Variants in LPXN observed in about 807,000 individuals in gnomAD.
LPXN encodes the protein leupaxin.
LPXN carries 28 observed loss-of-function variants against 45.6 expected under a neutral mutation model. The observed-to-expected ratio is 0.61, with a 90% CI of 0.45 to 0.84. The LOEUF is 0.84. Ranked by LOEUF, LPXN falls within the 40% of genes least tolerant of loss-of-function variation. The probability of loss-of-function intolerance (pLI) is 0.00; values close to 1 mark genes in which losing one functional copy is unlikely to be tolerated. For synonymous variants in LPXN, 166 were observed against 169.9 expected (o/e 0.98, Z 0.18); for missense variants, 459 against 475.0 (o/e 0.97, Z 0.31).
intron 7 of LPXN, among the ~76,000 whole-genome samples, chr11:58,532,329 C>T (rs371244395): frequency 2.4e-4 from 37 of 152,338 alleles, no homozygotes; most frequent in African/African-American, 8.2e-4. Context: ...GGAGTGTGGG[C>T]GCACGGCACG....
chr11:58,549,401 G>A (rs537177235), intron 7 of LPXN, among the ~76,000 whole-genome samples: 64 of 152,100 alleles, frequency 4.2e-4, no homozygotes, highest in Non-Finnish European at 7.1e-4. Context: ...GTGAGACTCC[G>A]TCTCAAAAAA....
intron 4 of LPXN, among the ~76,000 whole-genome samples, chr11:58,553,638 C>T (rs545012197): frequency 6.6e-6 from 1 of 152,234 alleles, no homozygotes; most frequent in South Asian, 2.1e-4. Flanking sequence ...AAGGTGAGCT[C>T]TAAAGATAAG....
rs980694587 is a variant in LPXN at position 58,527,785 on chromosome 11, G to A, written c.892-62C>T. 7.2e-6 allele frequency: 11 copies of A among 1,518,068 alleles called. No homozygotes were observed. The African/African-American group carries it at 8.3e-5, about 11-fold the overall frequency. The allele number at this position is 1,518,068 out of a possible 1,614,324, so 94.0% of individuals were successfully genotyped here. The stretch of plus-strand genomic sequence containing the variant: ...TGTCAAGAGGTAAAATGTCAGCAAA[G>A]TAAAATTTTCAGCCTTGAAATTCCT... On this transcript the variant is annotated intron_variant, in intron 8 of 8. Coordinates refer to ENST00000395074, the MANE Select transcript of LPXN (RefSeq NM_004811.3).
intron 4 of LPXN, among the ~76,000 whole-genome samples, chr11:58,552,002 G>A (rs758183149): frequency 1.1e-4 from 17 of 152,224 alleles, no homozygotes; most frequent in Non-Finnish European, 1.6e-4. Context: ...AGGAGAAGGT[G>A]ATGGAGAGAG....
chr11:58,542,374 T>A (rs1249214358), intron 7 of LPXN, among the ~76,000 whole-genome samples: 1 of 151,964 alleles, frequency 6.6e-6, no homozygotes, highest in Non-Finnish European at 1.5e-5. Context: ...GAATGATCCA[T>A]ATATTCATAT....
intron 7 of LPXN, among the ~76,000 whole-genome samples, chr11:58,538,179 AC>A (rs1853611860): frequency 6.6e-6 from 1 of 152,060 alleles, no homozygotes; most frequent in African/African-American, 2.4e-5. Flanking sequence ...TCACTGATGG[AC>A]ATTTGGGTTG....
At position 58,528,123 on chromosome 11, in the gene LPXN, C is replaced by T; in HGVS notation, c.811G>A (p.Gly271Ser). ...TCCAACACTGGGCGATTGCAGCCAC[C>T]ACACTTGGGTGAGAACATGGCTAAG... ...DFLAMFSPKC[G>S]GCNRPVLENY... is the part of the protein sequence containing the mutation. Residue 271 changes from glycine to serine, a missense_variant, in exon 8 of 9, where the codon GGT becomes AGT. By Grantham distance (56) the Gly-to-Ser change is moderately conservative (BLOSUM62 0). Coordinates refer to ENST00000395074, the MANE Select transcript of LPXN (RefSeq NM_004811.3). The T allele has an allele frequency of 1.9e-6, 3 of 1,614,204 alleles. No individual in the cohort carries two copies. The highest frequency in any genetic ancestry group is 2.2e-5 in the South Asian group (2 of 91,086).
At chr11:58,532,682 G>T (rs756314943) in intron 7 of LPXN, among the ~76,000 whole-genome samples, 2 of 152,210 alleles carry the variant, frequency 1.3e-5, no homozygotes, top group Non-Finnish European at 2.9e-5. Flanking sequence ...ACCCTGTCAA[G>T]ACAGACCAAA....
chr11:58,531,462 T>C lies in LPXN; in HGVS notation c.743-3271A>G, dbSNP rs577722693. On this transcript the variant is annotated intron_variant, in intron 7 of 8. Coordinates refer to ENST00000395074, the MANE Select transcript of LPXN (RefSeq NM_004811.3). Reference sequence around the variant, plus strand: ...CAAGCAGAAGAAAGGATATAAGAGATTGAAGGTCAACTTAATGAAATAAAG... The same window carrying C: ...CAAGCAGAAGAAAGGATATAAGAGACTGAAGGTCAACTTAATGAAATAAAG... Among the ~76,000 whole-genome samples the C allele has an allele frequency of 1.5e-4, 22 of 151,586 alleles. 1 individual carries two copies. The highest frequency in any genetic ancestry group is 1.2e-3 in the Admixed American group (18 of 15,204).
At position 58,534,729 on chromosome 11, in the gene LPXN, C is replaced by T. The variant is rs117623510; in HGVS notation, c.743-6538G>A. 2.1e-3 allele frequency among the ~76,000 whole-genome samples: 324 copies of T among 152,036 alleles called. 7 individuals are homozygous for T. In the East Asian group the frequency reaches 0.051, roughly 24 times the overall value. The stretch of plus-strand genomic sequence containing the variant: ...AACCCTTCAAACAATCAATGAATCC[C>T]GGAGGTGGTTTTTTGAAATGATCAA... On this transcript the variant is annotated intron_variant, in intron 7 of 8. Transcript: ENST00000395074.
intron 7 of LPXN, among the ~76,000 whole-genome samples, chr11:58,541,061 T>C (rs558662808): frequency 1.3e-5 from 2 of 152,214 alleles, no homozygotes; most frequent in African/African-American, 2.4e-5. Flanking sequence ...AAGACTTACA[T>C]GTTAGACCTA....
At chr11:58,548,446 GA>G (rs1298379389) in intron 7 of LPXN, among the ~76,000 whole-genome samples, 67 of 138,174 alleles carry the variant, frequency 4.8e-4, no homozygotes, top group East Asian at 2.3e-3. Flanking sequence ...GATATCTCCA[GA>G]AAAAAAAAAA....
At chr11:58,576,042 A>G (rs889755637), upstream of LPXN, 56 of 726,232 alleles carry the variant, frequency 7.7e-5, no homozygotes, top group South Asian at 1.4e-3. Flanking sequence ...CCAGGGTGAT[A>G]AAGATTCAAA....
chr11:58,554,776 A>G, intron 4 of LPXN, 65 bp downstream of exon 4: 1 of 1,073,204 alleles, frequency 9.3e-7, no homozygotes, highest in Non-Finnish European at 1.4e-6. Flanking sequence ...TGGTGACCCC[A>G]TGGGCCCTGT....
At chr11:58,572,599 AATG>A (rs1433471390) in intron 1 of LPXN, among the ~76,000 whole-genome samples, 5 of 152,196 alleles carry the variant, frequency 3.3e-5, no homozygotes, top group African/African-American at 9.6e-5. Context: ...TAGGTGTGAT[AATG>A]ATATTTAATA....
chr11:58,548,364 A>G (rs559532606), intron 7 of LPXN, among the ~76,000 whole-genome samples: 26 of 152,162 alleles, frequency 1.7e-4, no homozygotes, highest in African/African-American at 6.0e-4. Flanking sequence ...AAGTTAATGA[A>G]CCAGAATGAC....
upstream of LPXN, among the ~76,000 whole-genome samples, chr11:58,576,717 G>A (rs1854903620): frequency 6.6e-6 from 1 of 152,168 alleles, no homozygotes; most frequent in African/African-American, 2.4e-5. Flanking sequence ...TAATTAATTG[G>A]TAGCTTTGCT....
intron 7 of LPXN, among the ~76,000 whole-genome samples, chr11:58,543,695 C>T (rs1853797101): frequency 1.3e-5 from 2 of 152,100 alleles, no homozygotes; most frequent in South Asian, 4.1e-4. Context: ...ATACCTCTAA[C>T]TTAAATGCAT....
At chr11:58,576,658 CCT>C (rs1208780407), upstream of LPXN, among the ~76,000 whole-genome samples, 9 of 152,170 alleles carry the variant, frequency 5.9e-5, no homozygotes, top group African/African-American at 1.9e-4. Flanking sequence ...ATTTTTTCCC[CCT>C]TTTTACCAAT....
Sources: allele counts gnomAD v4.1 joint callset (sites outside exome capture counted in the v4.1 genomes callset), GRCh38; gene constraint gnomAD v4.1.1; transcripts MANE v1.5; gene names NCBI Gene and HGNC (gene_info 2026-07-23, HGNC 2026-07-21).